Variants in EGFLAM observed in about 807,000 individuals in gnomAD.
The protein encoded by EGFLAM is EGF like, fibronectin type III and laminin G domains, also known as pikachurin.
Under a neutral mutation model 113.1 loss-of-function variants are expected in EGFLAM, and 79 were observed. The ratio of observed to expected loss-of-function variants is 0.70; its 90% CI spans 0.58 to 0.84. The LOEUF (loss-of-function observed/expected upper bound fraction) is 0.84, where lower values mean the gene tolerates loss of function less well. Among genes scored for constraint, EGFLAM ranks in the 40% least tolerant of loss-of-function variants. The pLI is 0.00. For synonymous variants in EGFLAM, 504 were observed against 487.6 expected (o/e 1.03, Z -0.44); for missense variants, 1,265 against 1,291.6 (o/e 0.98, Z 0.32).
chr5:38,407,825 C>T lies in EGFLAM; in HGVS notation c.1168C>T (p.Gln390Ter), dbSNP rs754326359. The stretch of plus-strand genomic sequence containing the variant: ...TTCAGATATTGTTATCCAGTATCCT[C>T]AGTTCTTTGGCCACTCCTATGTAAC... ...CSEDIVIQYP[Q>*]FFGHSYVTFE... Residue 390 changes from glutamine to a stop codon, truncating the protein, a stop_gained, in exon 9 of 22, where the codon CAG becomes TAG. Coordinates refer to ENST00000322350, the MANE Select transcript of EGFLAM (RefSeq NM_152403.4). LOFTEE classifies it high-confidence loss of function. The T allele has an allele frequency of 1.2e-6, 2 of 1,613,030 alleles. No homozygotes were observed. The highest frequency in any genetic ancestry group is 1.1e-5 in the South Asian group (1 of 90,996).
At chr5:38,266,785 A>C (rs1757644039) in intron 1 of EGFLAM, among the ~76,000 whole-genome samples, 1 of 152,200 alleles carries the variant, frequency 6.6e-6, no homozygotes, top group Non-Finnish European at 1.5e-5. Context: ...CTGTTCCTAA[A>C]ACAGAATTAT....
chr5:38,411,740 C>T (rs1741487042), intron 10 of EGFLAM, among the ~76,000 whole-genome samples: 1 of 151,878 alleles, frequency 6.6e-6, no homozygotes, highest in African/African-American at 2.4e-5. Flanking sequence ...GCCTCGGCCT[C>T]CCAAAGTGCT....
intron 1 of EGFLAM, among the ~76,000 whole-genome samples, chr5:38,278,843 C>G (rs1194804609): frequency 6.6e-6 from 1 of 151,394 alleles, no homozygotes; most frequent in Non-Finnish European, 1.5e-5. Flanking sequence ...GCACAGCCAA[C>G]AAAAGGAAAA....
chr5:38,306,260 G>A (rs1461961032), intron 1 of EGFLAM, among the ~76,000 whole-genome samples: 1 of 151,492 alleles, frequency 6.6e-6, no homozygotes, highest in African/African-American at 2.4e-5. Flanking sequence ...AAAAGAGAGA[G>A]CATCACTTTG....
chr5:38,458,161 A>G, intron 19 of EGFLAM, 150 bp from the exon 20 acceptor site: 1 of 617,326 alleles, frequency 1.6e-6, no homozygotes, highest in Non-Finnish European at 2.7e-6. Context: ...CTAGAAACCC[A>G]ACAACTTTTA....
In EGFLAM at chr5:38,462,989, C is replaced by T. The variant is rs773813127; in HGVS notation, c.2853C>T (p.Asn951=). The change falls in exon 21 of 22, where the codon AAC becomes AAT. Residue 951 remains asparagine, a synonymous_variant. Coordinates refer to ENST00000322350, the MANE Select transcript of EGFLAM (RefSeq NM_152403.4). ...GKSPGMMRQL[N]INGALYVGGM... ...CCCCAGGCATGATGCGGCAGCTTAA[C>T]ATCAATGGAGCTCTGTATGTGGGTA... The T allele has an allele frequency of 4.3e-6, 7 of 1,614,066 alleles. No individual in the cohort carries two copies. The highest frequency in any genetic ancestry group is 2.2e-5 in the East Asian group (1 of 44,880).
At chr5:38,356,431 C>T (rs1050962202) in intron 5 of EGFLAM, among the ~76,000 whole-genome samples, 1 of 152,222 alleles carries the variant, frequency 6.6e-6, no homozygotes, top group Non-Finnish European at 1.5e-5. Flanking sequence ...TTCCATCCTA[C>T]AGTACCACCA....
Position 38,312,272 on chromosome 5 carries a change from C to T in EGFLAM, c.98-25248C>T, listed in dbSNP as rs562436677. Among the ~76,000 whole-genome samples the T allele has an allele frequency of 9.4e-5, 14 of 149,194 alleles. No individual in the cohort carries two copies. The East Asian group carries it at 1.8e-3, about 19-fold the overall frequency. On this transcript the variant is annotated intron_variant, in intron 1 of 21. Coordinates refer to ENST00000322350, the MANE Select transcript of EGFLAM (RefSeq NM_152403.4). ...TTTTTTTTTTTTTGAGACAGAGTCT[C>T]GCTCTGTCGCCCAGGCTGGAGTGCA...
rs932200662 is a variant in EGFLAM at position 38,258,623 on chromosome 5, A to G, written c.-132A>G. 9 of 1,019,434 alleles carry G rather than the reference A, an allele frequency of 8.8e-6. No individual in the cohort carries two copies. Among genetic ancestry groups the G allele is most frequent in the Non-Finnish European group, 1.3e-5 (9 of 672,012 alleles). The allele number at this position is 1,019,434 out of a possible 1,614,324, so 63.1% of individuals were successfully genotyped here. A position where few individuals can be genotyped will look rare whatever the true frequency, so the allele number is the denominator to read the frequency against. On this transcript the variant is annotated 5_prime_UTR_variant, in exon 1 of 22. Coordinates refer to ENST00000322350, the MANE Select transcript of EGFLAM (RefSeq NM_152403.4). Reference sequence around the variant, plus strand: ...TGGAACTACCCGTGTTTCCGGGCCCAGCCCTCGCAGCCCCCCACCTCCTCG... The same window carrying G: ...TGGAACTACCCGTGTTTCCGGGCCCGGCCCTCGCAGCCCCCCACCTCCTCG...
At chr5:38,395,112 G>C (rs530629616) in intron 6 of EGFLAM, among the ~76,000 whole-genome samples, 3 of 151,566 alleles carry the variant, frequency 2.0e-5, no homozygotes, top group African/African-American at 7.3e-5. Context: ...AGCCAATTTT[G>C]TATATTTAGT....
In EGFLAM at chr5:38,336,570, T is replaced by TACAC. The variant is rs148241267; in HGVS notation, c.98-924_98-921dup. On this transcript the variant is annotated intron_variant, in intron 1 of 21. Coordinates refer to ENST00000322350, the MANE Select transcript of EGFLAM (RefSeq NM_152403.4). ...GCCTGGGCGACAGAGTGAGACTCCG[T>TACAC]ACACACACACACACACACACACACA... Among the ~76,000 whole-genome samples, 625 of 142,268 alleles carry TACAC rather than the reference T, an allele frequency of 4.4e-3. 3 individuals carry two copies. The highest frequency in any genetic ancestry group is 9.7e-3 in the African/African-American group (359 of 36,950). 93.3% of individuals were successfully genotyped at this position (142,268 alleles called of 152,430 possible).
chr5:38,395,239 CTT>C (rs1221649921), intron 6 of EGFLAM, among the ~76,000 whole-genome samples: 57 of 114,642 alleles, frequency 5.0e-4, no homozygotes, highest in Middle Eastern at 4.9e-3. Flanking sequence ...CATGCCTAGC[CTT>C]TTTTTTTTTT....
In EGFLAM at chr5:38,372,056, A is replaced by C. The variant is rs150920624; in HGVS notation, c.712+1594A>C. ...GTCAAGAATGTAGAATAAAGATGAG[A>C]TATAACAAGCACATGCTGATTTAGA... is the stretch of plus-strand genomic sequence containing the variant. On this transcript the variant is annotated intron_variant, in intron 6 of 21. Coordinates refer to ENST00000322350, the MANE Select transcript of EGFLAM (RefSeq NM_152403.4). Among the ~76,000 whole-genome samples the C allele has an allele frequency of 2.8e-3, 424 of 152,170 alleles. 1 individual carries two copies. The highest frequency in any genetic ancestry group is 0.014 in the Middle Eastern group (4 of 290).
chr5:38,296,332 A>T (rs1203847916), intron 1 of EGFLAM, among the ~76,000 whole-genome samples: 5 of 152,148 alleles, frequency 3.3e-5, no homozygotes, highest in Non-Finnish European at 7.3e-5. Context: ...ATGATGATAG[A>T]ATCAACTTAC....
chr5:38,258,685 C>G lies in EGFLAM; in HGVS notation c.-70C>G, dbSNP rs1357983129. On this transcript the variant is annotated 5_prime_UTR_variant, in exon 1 of 22. Transcript: ENST00000322350. ...GGATCCGTTGGGGCCGCGTCCCCCACGCGCCCCCGGAGACGCCCTTTCCGT... is the reference window on the plus strand; with the variant it reads ...GGATCCGTTGGGGCCGCGTCCCCCAGGCGCCCCCGGAGACGCCCTTTCCGT... 1 of 1,525,268 alleles carries G rather than the reference C, an allele frequency of 6.6e-7. No homozygotes were observed. The highest frequency in any genetic ancestry group is 1.9e-5 in the Admixed American group (1 of 51,700). The allele number at this position is 1,525,268 out of a possible 1,614,324, so 94.5% of individuals were successfully genotyped here.
At chr5:38,462,747 C>T in intron 20 of EGFLAM, 161 bp from the exon 21 acceptor site, 1 of 739,402 alleles carries the variant, frequency 1.4e-6, no homozygotes, top group East Asian at 2.9e-5. Context: ...TCCTGAGGGC[C>T]ACACATTTGC....
chr5:38,337,700 T>G, intron 2 of EGFLAM, 71 bp downstream of exon 2: 1 of 1,282,010 alleles, frequency 7.8e-7, no homozygotes, highest in Non-Finnish European at 1.1e-6. Context: ...CATCCTTGCT[T>G]TTTCTAGATA....
At chr5:38,269,336 G>C (rs1473340021) in intron 1 of EGFLAM, among the ~76,000 whole-genome samples, 1 of 152,110 alleles carries the variant, frequency 6.6e-6, no homozygotes, top group Non-Finnish European at 1.5e-5. Flanking sequence ...AAAAAGGACT[G>C]ACTAGTCATG....
chr5:38,459,698 A>C (rs750356359), intron 20 of EGFLAM, among the ~76,000 whole-genome samples: 1 of 151,966 alleles, frequency 6.6e-6, no homozygotes, highest in Non-Finnish European at 1.5e-5. Flanking sequence ...CTACTTTCCT[A>C]CTCAGCTCCC....
Sources: gnomAD v4.1 joint callset for allele counts (sites outside exome capture counted in the v4.1 genomes callset) on GRCh38, gnomAD v4.1.1 for gene constraint, MANE v1.5 for transcripts, NCBI Gene and HGNC (gene_info 2026-07-23, HGNC 2026-07-21) for gene names.